The following SUFU variants were observed in gnomAD, a reference collection of about 807,000 sequenced individuals.
The protein encoded by SUFU is suppressor of fused homolog.
SUFU carries 7 observed loss-of-function variants against 58.9 expected under a neutral mutation model. The observed-to-expected ratio is 0.12, with a 90% confidence interval of 0.07 to 0.22. The LOEUF is 0.22. Ranked by LOEUF, SUFU falls within the 10% of genes least tolerant of loss-of-function variation. The pLI is 1.00. For synonymous variants in SUFU, 232 were observed against 254.8 expected (o/e 0.91, Z 0.85); for missense variants, 451 against 641.3 (o/e 0.70, Z 3.20).
chr10:102,559,961 G>T (rs2063018978), intron 3 of SUFU, among the ~76,000 whole-genome samples: 1 of 152,160 alleles, frequency 6.6e-6, no homozygotes, highest in Non-Finnish European at 1.5e-5. Context: ...GGCTCGATTT[G>T]TGAGTGGCTC....
chr10:102,540,556 C>T (rs753451986), intron 2 of SUFU, among the ~76,000 whole-genome samples: 2 of 151,882 alleles, frequency 1.3e-5, no homozygotes, highest in Non-Finnish European at 2.9e-5. Flanking sequence ...GAGGCTGAGG[C>T]AGGAGAATCA....
chr10:102,571,248 C>T (rs1490792357), intron 3 of SUFU, among the ~76,000 whole-genome samples: 1 of 152,168 alleles, frequency 6.6e-6, no homozygotes. Context: ...TAATAAGTAA[C>T]GGTTTCACCT....
rs549128983 is a variant in SUFU, at chr10:102,583,403, A to C, written c.455-9179A>C. Reference sequence around the variant, plus strand: ...GAGTACCTTTGGCCAAAGCCTGATCACACATGCTCAGGGTGGAACGTGTTG... The same window carrying C: ...GAGTACCTTTGGCCAAAGCCTGATCCCACATGCTCAGGGTGGAACGTGTTG... On this transcript the variant is annotated intron_variant, in intron 3 of 11. Coordinates refer to ENST00000369902, the MANE Select transcript of SUFU (RefSeq NM_016169.4). Among the ~76,000 whole-genome samples the C allele has an allele frequency of 7.9e-5, 12 of 152,234 alleles. No individual in the cohort carries two copies. The South Asian group carries it at 1.5e-3, about 18-fold the overall frequency.
In SUFU at chr10:102,628,536, C is replaced by T. The variant is rs1035192485; in HGVS notation, c.1365+1293C>T. On this transcript the variant is annotated intron_variant, in intron 11 of 11. Transcript: ENST00000369902. This position sits in a 1 kb window ranked among gnomAD's most constrained non-coding sequence, Gnocchi z 4.5. ...GAGAGGCCTTGTCGCACTGGGATGG[C>T]GCTGTGCCAGGCTGCTGCTTTGAGC... Among the ~76,000 whole-genome samples, 2 of 152,156 alleles carry T rather than the reference C, an allele frequency of 1.3e-5. No individual in the cohort carries two copies. Among genetic ancestry groups the T allele is most frequent in the African/African-American group, 4.8e-5 (2 of 41,432 alleles).
rs533690338 is a variant in SUFU, at chr10:102,592,133, C to T, written c.455-449C>T. Among the ~76,000 whole-genome samples the T allele has an allele frequency of 9.8e-5, 15 of 152,328 alleles. No homozygotes were observed. In the East Asian group the frequency reaches 2.3e-3, roughly 24 times the overall value. On this transcript the variant is annotated intron_variant, in intron 3 of 11. Coordinates refer to ENST00000369902, the MANE Select transcript of SUFU (RefSeq NM_016169.4). ...TTCCTTCTGAGTGCCATTTCAGCAA[C>T]ATAGGAATTTCGGTCTGTTTCTCCA...
In SUFU at chr10:102,504,133, T is replaced by C. The variant is rs777093064; in HGVS notation, c.-20T>C. 56 of 1,535,936 alleles carry C rather than the reference T, an allele frequency of 3.6e-5. No individual in the cohort carries two copies. Among genetic ancestry groups the C allele is most frequent in the Non-Finnish European group, 2.6e-6 (3 of 1,144,246 alleles). On this transcript the variant is annotated 5_prime_UTR_variant, in exon 1 of 12. Transcript: ENST00000369902. ...CGTTTGCCCTCTCCAGTTCCCCCAGTGCCTGCCCTACGCACCCCGATGGCG... is the reference window on the plus strand; with the variant it reads ...CGTTTGCCCTCTCCAGTTCCCCCAGCGCCTGCCCTACGCACCCCGATGGCG...
intron 3 of SUFU, among the ~76,000 whole-genome samples, chr10:102,568,897 A>AATATATATAT (rs1208688793): frequency 5.9e-5 from 1 of 17,026 alleles, no homozygotes; most frequent in Non-Finnish European, 9.6e-5. Flanking sequence ...AAAAAAAAAA[A>AATATATATAT]ATATATATAT....
At chr10:102,575,055 CAAA>C (rs201602686) in intron 3 of SUFU, among the ~76,000 whole-genome samples, 2 of 121,732 alleles carry the variant, frequency 1.6e-5, no homozygotes, top group Non-Finnish European at 1.8e-5. Context: ...GACTCTGTCT[CAAA>C]AAAAAAAAAA....
chr10:102,579,822 A>T, intron 3 of SUFU: 1 of 985,422 alleles, frequency 1.0e-6, no homozygotes, highest in Non-Finnish European at 1.2e-6. Context: ...TGAACTTTTC[A>T]AGTGATAAAA....
chr10:102,580,029 A>ACCACCCC, intron 3 of SUFU, among the ~76,000 whole-genome samples: 1 of 84,698 alleles, frequency 1.2e-5, no homozygotes, highest in South Asian at 4.0e-4. Flanking sequence ...CCTCCCCCGC[A>ACCACCCC]CCCCCCCCCC....
At chr10:102,622,991 CAAAAAA>C (rs60442672) in intron 10 of SUFU, among the ~76,000 whole-genome samples, 7 of 58,374 alleles carry the variant, frequency 1.2e-4, no homozygotes, top group Non-Finnish European at 1.9e-4. Context: ...AACTCCGTCT[CAAAAAA>C]AAAAAAAAAA....
At chr10:102,551,762 TC>T (rs2062919432) in intron 3 of SUFU, among the ~76,000 whole-genome samples, 2 of 134,694 alleles carry the variant, frequency 1.5e-5, no homozygotes, top group Admixed American at 7.7e-5. Flanking sequence ...TCTCACTCTG[TC>T]CCCCAGGCTG....
chr10:102,566,713 C>T lies in SUFU; in HGVS notation c.454+16607C>T, dbSNP rs558208389. 3.3e-3 allele frequency among the ~76,000 whole-genome samples: 487 copies of T among 148,126 alleles called. 5 individuals carry two copies. Among genetic ancestry groups the T allele is most frequent in the African/African-American group, 0.011 (457 of 40,006 alleles). The stretch of plus-strand genomic sequence containing the variant: ...TTGGGAGGCGGAGGTTGCAGTGAGC[C>T]GAGATTATGCCATTGCACTCCAGCC... On this transcript the variant is annotated intron_variant, in intron 3 of 11. Transcript: ENST00000369902.
chr10:102,575,657 T>C (rs2063205333), intron 3 of SUFU, among the ~76,000 whole-genome samples: 1 of 152,186 alleles, frequency 6.6e-6, no homozygotes, highest in Non-Finnish European at 1.5e-5. Flanking sequence ...AGTTTCAACA[T>C]ACCTTTTGAA....
rs2063844200 is a variant in SUFU at position 102,632,228 on chromosome 10, C to A, written c.*2073C>A. ...GTTTGTGAAGCACCTGGTCAGCAACCTGCCCCAGACCTGGAGGGTCTTTGT... is the reference window on the plus strand; with the variant it reads ...GTTTGTGAAGCACCTGGTCAGCAACATGCCCCAGACCTGGAGGGTCTTTGT... On this transcript the variant is annotated 3_prime_UTR_variant, in exon 12 of 12. Transcript: ENST00000369902. The A allele has an allele frequency of 4.3e-6, 1 of 233,352 alleles. No individual in the cohort carries two copies. Among genetic ancestry groups the A allele is most frequent in the Non-Finnish European group, 8.5e-6 (1 of 118,092 alleles). 14.5% of individuals were successfully genotyped at this position (233,352 alleles called of 1,614,324 possible).
intron 3 of SUFU, among the ~76,000 whole-genome samples, chr10:102,553,759 G>A (rs1241548872): frequency 2.7e-5 from 4 of 147,660 alleles, no homozygotes; most frequent in Admixed American, 6.9e-5. Context: ...CACCGCGCCC[G>A]GCCACAAAGG....
intron 7 of SUFU, among the ~76,000 whole-genome samples, chr10:102,597,847 C>T (rs985085726): frequency 6.6e-6 from 1 of 152,172 alleles, no homozygotes; most frequent in Non-Finnish European, 1.5e-5. Flanking sequence ...CGGATGGGGT[C>T]TTTGGGAAGG....
intron 10 of SUFU, among the ~76,000 whole-genome samples, chr10:102,626,056 C>T (rs1270093082): frequency 6.6e-6 from 1 of 152,048 alleles, no homozygotes; most frequent in Non-Finnish European, 1.5e-5. Context: ...CCTGGGTGCT[C>T]AAGGTGTACG....
intron 3 of SUFU, among the ~76,000 whole-genome samples, chr10:102,555,051 A>G (rs531320592): frequency 3.1e-4 from 47 of 152,154 alleles, no homozygotes; most frequent in South Asian, 2.3e-3. Flanking sequence ...GGCGAATCAC[A>G]AGGTCAGGAG....
Sources: allele counts gnomAD v4.1 joint callset (sites outside exome capture counted in the v4.1 genomes callset), GRCh38; gene constraint gnomAD v4.1.1; non-coding constraint Gnocchi (gnomAD v3.1); transcripts MANE v1.5; gene names NCBI Gene and HGNC (gene_info 2026-07-23, HGNC 2026-07-21).